Variants in PAM observed in about 807,000 individuals in gnomAD.
PAM encodes the protein peptidylglycine alpha-amidating monooxygenase, also known as peptidyl-glycine alpha-amidating monooxygenase.
Under a neutral mutation model 122.1 loss-of-function variants are expected in PAM, and 72 were observed. That is an observed-to-expected ratio of 0.59 (90% CI 0.49 to 0.72). The LOEUF is 0.72. PAM is among the 30% of genes least tolerant of loss of function. The pLI is 0.00. For synonymous variants in PAM, 389 were observed against 404.4 expected (o/e 0.96, Z 0.46); for missense variants, 1,106 against 1,183.7 (o/e 0.93, Z 0.96).
intron 16 of PAM, among the ~76,000 whole-genome samples, chr5:102,999,206 T>A (rs1776622067): frequency 6.6e-6 from 1 of 152,212 alleles, no homozygotes; most frequent in East Asian, 1.9e-4. Context: ...ATGAAGAGGC[T>A]ACAGGCCCCA....
At chr5:102,811,926 A>G (rs2150204143) in intron 1 of PAM, among the ~76,000 whole-genome samples, 1 of 152,342 alleles carries the variant, frequency 6.6e-6, no homozygotes, top group East Asian at 1.9e-4. Flanking sequence ...TCTTAGTTTA[A>G]TATTTTTATT....
At chr5:103,006,055 C>G (rs185232893) in intron 18 of PAM, among the ~76,000 whole-genome samples, 125 of 152,178 alleles carry the variant, frequency 8.2e-4, no homozygotes, top group African/African-American at 3.0e-3. Context: ...CCACCTTAGC[C>G]TCCCAAGTAG....
At chr5:102,955,707 A>G (rs1760476482) in intron 12 of PAM, among the ~76,000 whole-genome samples, 1 of 152,006 alleles carries the variant, frequency 6.6e-6, no homozygotes, top group South Asian at 2.1e-4. Flanking sequence ...CTGGCATTGG[A>G]GAATGTTTAA....
At chr5:103,004,204 G>C (rs1031189947) in intron 17 of PAM, among the ~76,000 whole-genome samples, 3 of 152,154 alleles carry the variant, frequency 2.0e-5, no homozygotes, top group Admixed American at 1.3e-4. Context: ...GTGTGTCAGG[G>C]GTGAAATGTT....
intron 12 of PAM, among the ~76,000 whole-genome samples, chr5:102,956,205 C>T (rs1160759517): frequency 2.0e-5 from 3 of 151,968 alleles, no homozygotes; most frequent in Non-Finnish European, 4.4e-5. Flanking sequence ...CAGAAAATCA[C>T]GTGTGTAAAG....
chr5:102,919,550 A>G (rs888278409), intron 5 of PAM, among the ~76,000 whole-genome samples: 3 of 152,086 alleles, frequency 2.0e-5, no homozygotes, highest in Non-Finnish European at 4.4e-5. Flanking sequence ...AATATATGTA[A>G]CATCCTTGTC....
chr5:102,823,920 C>T (rs1315204258), intron 1 of PAM, among the ~76,000 whole-genome samples: 1 of 152,048 alleles, frequency 6.6e-6, no homozygotes, highest in Non-Finnish European at 1.5e-5. Flanking sequence ...TAGTTCTGCC[C>T]CCTTCTTCGT....
chr5:102,866,428 A>G, intron 2 of PAM, 144 bp downstream of exon 2: 1 of 645,050 alleles, frequency 1.6e-6, no homozygotes, highest in East Asian at 2.8e-5. Context: ...CTTCTTGTGA[A>G]GTCCCCCGTG....
intron 14 of PAM, among the ~76,000 whole-genome samples, chr5:102,966,696 A>G (rs1042494501): frequency 6.6e-6 from 1 of 152,174 alleles, no homozygotes; most frequent in Non-Finnish European, 1.5e-5. Flanking sequence ...TCCATTCCTC[A>G]TATCCTCTCA....
chr5:102,915,130 T>C lies in PAM; in HGVS notation c.356+1109T>C, dbSNP rs140464650. 1.7e-4 allele frequency among the ~76,000 whole-genome samples: 26 copies of C among 152,246 alleles called. No individual in the cohort carries two copies. In the East Asian group the frequency reaches 5.0e-3, roughly 29 times the overall value. Reference sequence around the variant, plus strand: ...TATTTTCACGTAGACCCAGAATCACTGTCACACATTTAATAGTCCGAAATG... The same window carrying C: ...TATTTTCACGTAGACCCAGAATCACCGTCACACATTTAATAGTCCGAAATG... On this transcript the variant is annotated intron_variant, in intron 5 of 25. Coordinates refer to ENST00000438793, the MANE Select transcript of PAM (RefSeq NM_001177306.2).
chr5:102,936,182 C>T (rs890333076), intron 7 of PAM, among the ~76,000 whole-genome samples: 1 of 152,068 alleles, frequency 6.6e-6, no homozygotes, highest in African/African-American at 2.4e-5. Context: ...GCAGTGATGT[C>T]ATGTTGGTAG....
At chr5:102,944,911 C>T (rs2151932399) in intron 7 of PAM, among the ~76,000 whole-genome samples, 1 of 152,066 alleles carries the variant, frequency 6.6e-6, no homozygotes, top group East Asian at 1.9e-4. Context: ...TTTTAATTTT[C>T]CCATGTTTTT....
intron 16 of PAM, among the ~76,000 whole-genome samples, chr5:103,002,720 C>G (rs897994266): frequency 6.6e-6 from 1 of 152,096 alleles, no homozygotes; most frequent in Non-Finnish European, 1.5e-5. Flanking sequence ...AGTTCTTGAT[C>G]AATGTTTCTC....
At chr5:102,790,063 GAAGATGCTCAGTAAATATTT>G (rs1761656500) in intron 1 of PAM, among the ~76,000 whole-genome samples, 1 of 152,012 alleles carries the variant, frequency 6.6e-6, no homozygotes, top group Non-Finnish European at 1.5e-5. Flanking sequence ...TTGGAACATG[GAAGATGCTCAGTAAATATTT>G]GTTGATTGTT....
At chr5:102,991,096 A>G (rs145450860) in intron 16 of PAM, among the ~76,000 whole-genome samples, 80 of 152,250 alleles carry the variant, frequency 5.3e-4, no homozygotes, top group Non-Finnish European at 9.1e-4. Flanking sequence ...CTGAGTTACC[A>G]TCATTATTCA....
intron 1 of PAM, among the ~76,000 whole-genome samples, chr5:102,848,203 C>T (rs1780430622): frequency 6.6e-6 from 1 of 151,864 alleles, no homozygotes. Context: ...TAGAACTTGA[C>T]TGTTCTTTAC....
intron 21 of PAM, among the ~76,000 whole-genome samples, chr5:103,011,451 G>A (rs984478901): frequency 6.6e-6 from 1 of 151,368 alleles, no homozygotes; most frequent in Non-Finnish European, 1.5e-5. Flanking sequence ...CCATCCTTCT[G>A]TACCATACAT....
chr5:102,917,598 T>G (rs1019909521), intron 5 of PAM, among the ~76,000 whole-genome samples: 1 of 152,222 alleles, frequency 6.6e-6, no homozygotes, highest in African/African-American at 2.4e-5. Context: ...GTTTGTTAGC[T>G]AGGATTTCCT....
In PAM at chr5:102,913,949, G is replaced by A. The variant is rs1802342078; in HGVS notation, c.284G>A (p.Arg95Gln). The stretch of plus-strand genomic sequence containing the variant: ...CTCGTAACAGTTGACTTCAAGCCTC[G>A]AGCCAGCATGGATACTGTCCATCAC... ...EEAFVIDFKP[R>Q]ASMDTVHHML... Residue 95 changes from arginine (R) to glutamine (Q), a missense_variant, in exon 5 of 26, where the codon CGA (arginine) becomes CAA (glutamine). Transcript: ENST00000438793. 1.8e-5 allele frequency: 29 copies of A among 1,603,652 alleles called. No individual in the cohort carries two copies. The Middle Eastern group carries it at 1.5e-3, about 82-fold the overall frequency.
Sources: gnomAD v4.1 joint callset for allele counts (sites outside exome capture counted in the v4.1 genomes callset) on GRCh38, gnomAD v4.1.1 for gene constraint, MANE v1.5 for transcripts, NCBI Gene and HGNC (gene_info 2026-07-23, HGNC 2026-07-21) for gene names.